The following POLR1D variants were observed in gnomAD, a reference collection of about 807,000 sequenced individuals.
The protein encoded by POLR1D is RNA polymerase I and III subunit D, also known as DNA-directed RNA polymerases I and III subunit RPAC2.
In POLR1D, 8 loss-of-function variants were observed where a neutral mutation model predicts 10.8. The ratio of observed to expected loss-of-function variants is 0.74; its 90% CI spans 0.43 to 1.33. The LOEUF is 1.33. Ranked by LOEUF, POLR1D falls within the 40% of genes most tolerant of loss-of-function variation. The probability of loss-of-function intolerance (pLI) is 0.01; values close to 1 mark genes in which losing one functional copy is unlikely to be tolerated. For missense variants in POLR1D, 152 were observed against 161.7 expected, an observed-to-expected ratio of 0.94 and a Z score of 0.32; for synonymous variants, 54 against 57.2, an observed-to-expected ratio of 0.94 and a Z score of 0.25.
intron 1 of POLR1D, among the ~76,000 whole-genome samples, chr13:27,632,160 A>T (rs1956079949): frequency 6.6e-6 from 1 of 152,224 alleles, no homozygotes; most frequent in Non-Finnish European, 1.5e-5. Context: ...CTATTGGTTT[A>T]AAAAGGTAGA....
In POLR1D at chr13:27,665,784, AG is replaced by A; in HGVS notation, c.203del (p.Gly68AlafsTer80). 1 of 1,614,072 alleles carries A rather than the reference AG, an allele frequency of 6.2e-7. No homozygotes were observed. Among genetic ancestry groups the A allele is most frequent in the Non-Finnish European group, 8.5e-7 (1 of 1,179,870 alleles). On this transcript the variant is annotated frameshift_variant, in exon 3 of 3. Coordinates refer to the POLR1D transcript ENST00000399697. LOFTEE classifies it low-confidence loss of function (END_TRUNC). Reference sequence around the variant, plus strand: ...AAAGAGCAAGACCATGAACAAAAAGAGGGCGATAAGGAACCAGCGAAGAGCC... The same window carrying A: ...AAAGAGCAAGACCATGAACAAAAAGAGGCGATAAGGAACCAGCGAAGAGCC...
chr13:27,654,696 A>G (rs944992349), intron 2 of POLR1D, among the ~76,000 whole-genome samples: 10 of 152,224 alleles, frequency 6.6e-5, no homozygotes. Context: ...ATACATTATT[A>G]AAAAGACTGA....
chr13:27,653,060 G>C (rs968958785), intron 2 of POLR1D, among the ~76,000 whole-genome samples: 2 of 151,566 alleles, frequency 1.3e-5, no homozygotes, highest in African/African-American at 2.4e-5. Flanking sequence ...CACCATGCCT[G>C]ACTAATGTTT....
In POLR1D at chr13:27,643,251, A is replaced by G. The variant is rs184754160; in HGVS notation, c.27-5128A>G. On this transcript the variant is annotated intron_variant, in intron 1 of 2. Coordinates refer to the POLR1D transcript ENST00000399697. Reference sequence around the variant, plus strand: ...TGAATTTAACAAAATGTGCAGATTAATTTATTGTGCCTTTAGTTTATGTCT... The same window carrying G: ...TGAATTTAACAAAATGTGCAGATTAGTTTATTGTGCCTTTAGTTTATGTCT... Among the ~76,000 whole-genome samples the G allele has an allele frequency of 2.9e-3, 436 of 152,288 alleles. 3 individuals carry two copies. The highest frequency in any genetic ancestry group is 0.027 in the Middle Eastern group (8 of 292).
At chr13:27,648,266 G>A in intron 1 of POLR1D, 1 of 720,532 alleles carries the variant, frequency 1.4e-6, no homozygotes, top group Non-Finnish European at 2.4e-6. Flanking sequence ...ATTTGCCCCA[G>A]CAATCATGCT....
chr13:27,648,470 A>G (rs1389587662), intron 2 of POLR1D: 2 of 1,559,986 alleles, frequency 1.3e-6, no homozygotes, highest in East Asian at 4.5e-5. Flanking sequence ...TCTTTGAGTA[A>G]TCTTCCTTAA....
intron 1 of POLR1D, among the ~76,000 whole-genome samples, chr13:27,638,500 T>C (rs767341266): frequency 2.0e-5 from 3 of 152,200 alleles, no homozygotes; most frequent in Non-Finnish European, 2.9e-5. Flanking sequence ...GATGCCAAAA[T>C]CCTACACATT....
At chr13:27,622,830 A>G in intron 1 of POLR1D, 45 bp from the exon 2 acceptor site, 1 of 1,287,294 alleles carries the variant, frequency 7.8e-7, no homozygotes, top group Admixed American at 1.8e-5. Context: ...TAGTTACAAA[A>G]CAATATTCAG....
At chr13:27,648,702 T>C (rs1956242301) in intron 2 of POLR1D, among the ~76,000 whole-genome samples, 3 of 151,976 alleles carry the variant, frequency 2.0e-5, no homozygotes, top group Non-Finnish European at 4.4e-5. Context: ...AGTTCACAAG[T>C]CTCCAAGAGG....
At chr13:27,658,241 T>C (rs1253633275) in intron 2 of POLR1D, among the ~76,000 whole-genome samples, 1 of 152,230 alleles carries the variant, frequency 6.6e-6, no homozygotes. Flanking sequence ...GAAAAACATT[T>C]TACTAGTCCC....
chr13:27,642,888 C>G (rs1593286389), intron 1 of POLR1D, among the ~76,000 whole-genome samples: 1 of 152,172 alleles, frequency 6.6e-6, no homozygotes, highest in Non-Finnish European at 1.5e-5. Flanking sequence ...ATACCACTTT[C>G]ATCTATCTCT....
downstream of POLR1D, among the ~76,000 whole-genome samples, chr13:27,626,487 A>G (rs964909228): frequency 3.9e-5 from 6 of 152,248 alleles, no homozygotes; most frequent in East Asian, 1.9e-4. Context: ...GGGGGCAGGC[A>G]GGTTAACCAA....
intron 1 of POLR1D, among the ~76,000 whole-genome samples, chr13:27,628,798 G>T (rs548905609): frequency 6.6e-6 from 1 of 152,084 alleles, no homozygotes; most frequent in Non-Finnish European, 1.5e-5. Context: ...TATGTATATT[G>T]GAGGGGCTTA....
intron 2 of POLR1D, chr13:27,650,363 A>G (rs1049898308): frequency 5.7e-5 from 16 of 280,706 alleles, no homozygotes; most frequent in Non-Finnish European, 1.1e-4. Context: ...GTTTCATTAC[A>G]TAGGTTTGAT....
intron 2 of POLR1D, among the ~76,000 whole-genome samples, chr13:27,658,594 C>T (rs1956329832): frequency 6.6e-6 from 1 of 152,042 alleles, no homozygotes; most frequent in East Asian, 1.9e-4. Context: ...GAGCAGTTGC[C>T]AGAGAGAGAT....
intron 2 of POLR1D, among the ~76,000 whole-genome samples, chr13:27,652,865 TCAA>T (rs927198991): frequency 3.3e-5 from 2 of 61,514 alleles, no homozygotes; most frequent in African/African-American, 4.3e-5. Context: ...AGACTCCATC[TCAA>T]AAAAAAAAAA....
chr13:27,640,389 G>A (rs1246295424), intron 1 of POLR1D, among the ~76,000 whole-genome samples: 1 of 152,044 alleles, frequency 6.6e-6, no homozygotes, highest in Non-Finnish European at 1.5e-5. Context: ...ACTTTCCAGT[G>A]GACACTAATT....
chr13:27,647,667 G>T (rs1956232649), intron 1 of POLR1D, among the ~76,000 whole-genome samples: 1 of 152,012 alleles, frequency 6.6e-6, no homozygotes, highest in Non-Finnish European at 1.5e-5. Flanking sequence ...CATTTTTAAT[G>T]ACTGCCTAAT....
upstream of POLR1D, chr13:27,621,682 AGGC>A (rs1955921879): frequency 4.5e-6 from 1 of 224,700 alleles, no homozygotes; most frequent in Non-Finnish European, 8.6e-6. Context: ...CCTCGGGGTA[AGGC>A]GGCGCTGGCC....
Sources: allele counts gnomAD v4.1 joint callset (sites outside exome capture counted in the v4.1 genomes callset), GRCh38; gene constraint gnomAD v4.1.1; transcripts MANE v1.5; gene names NCBI Gene and HGNC (gene_info 2026-07-23, HGNC 2026-07-21).